The following FHIT variants were observed in gnomAD, a reference collection of about 807,000 sequenced individuals.
The protein encoded by FHIT is fragile histidine triad diadenosine triphosphatase.
A neutral mutation model predicts 17.9 loss-of-function variants in FHIT; 19 were observed. The ratio of observed to expected loss-of-function variants is 1.06; its 90% CI spans 0.74 to 1.56. The LOEUF is 1.56. FHIT is among the 40% of genes most tolerant of loss of function. The pLI is 0.00. For missense variants in FHIT, 248 were observed against 189.2 expected, an observed-to-expected ratio of 1.31 and a Z score of -1.82; for synonymous variants, 81 against 69.7, an observed-to-expected ratio of 1.16 and a Z score of -0.81.
At chr3:60,740,004 T>G (rs908264859) in intron 4 of FHIT, among the ~76,000 whole-genome samples, 1 of 152,198 alleles carries the variant, frequency 6.6e-6, no homozygotes, top group Non-Finnish European at 1.5e-5. Context: ...ATCTTTCCAA[T>G]AAATAATAGA....
intron 4 of FHIT, among the ~76,000 whole-genome samples, chr3:60,545,863 TC>T (rs2036342856): frequency 2.7e-4 from 4 of 14,746 alleles, no homozygotes; most frequent in Admixed American, 1.9e-3. Flanking sequence ...TATCCAAATC[TC>T]TCTTTGTCTC....
chr3:60,412,832 CA>C (rs1702112102), intron 5 of FHIT, among the ~76,000 whole-genome samples: 2 of 152,130 alleles, frequency 1.3e-5, no homozygotes, highest in Non-Finnish European at 2.9e-5. Context: ...GGGTTTCCCC[CA>C]TGCTGCTCTT....
chr3:61,149,219 T>C (rs1016961305), intron 2 of FHIT, among the ~76,000 whole-genome samples: 3 of 152,118 alleles, frequency 2.0e-5, no homozygotes, highest in Admixed American at 1.3e-4. Context: ...TAATAGATGG[T>C]ATTTCCATGA....
At chr3:59,996,670 T>C (rs1244768169) in intron 7 of FHIT, among the ~76,000 whole-genome samples, 1 of 151,892 alleles carries the variant, frequency 6.6e-6, no homozygotes, top group East Asian at 1.9e-4. Context: ...GAAAGAAAAA[T>C]GATTAGCATG....
intron 5 of FHIT, among the ~76,000 whole-genome samples, chr3:60,328,004 G>C (rs1709782237): frequency 6.6e-6 from 1 of 152,120 alleles, no homozygotes; most frequent in African/African-American, 2.4e-5. Flanking sequence ...CATGGAGGAA[G>C]GACTATCAAT....
At chr3:60,505,316 TG>T (rs1384195860) in intron 5 of FHIT, among the ~76,000 whole-genome samples, 1 of 152,174 alleles carries the variant, frequency 6.6e-6, no homozygotes, top group Non-Finnish European at 1.5e-5. Context: ...ACTTACTAGG[TG>T]GGTGAGTGTG....
chr3:60,653,687 C>T (rs2040050009), intron 4 of FHIT, among the ~76,000 whole-genome samples: 1 of 151,814 alleles, frequency 6.6e-6, no homozygotes, highest in African/African-American at 2.4e-5. Context: ...AAGAAGGTGG[C>T]CTACAAAATA....
intron 7 of FHIT, among the ~76,000 whole-genome samples, chr3:59,952,376 G>A (rs563514738): frequency 2.6e-5 from 4 of 152,190 alleles, no homozygotes; most frequent in South Asian, 4.2e-4. Context: ...GGAGACCCTC[G>A]GGACATGCAG....
chr3:61,160,430 C>T (rs1030132391), intron 2 of FHIT, among the ~76,000 whole-genome samples: 1 of 152,126 alleles, frequency 6.6e-6, no homozygotes, highest in Admixed American at 6.6e-5. Context: ...ACTCTGTAAG[C>T]GACAAGGAAA....
chr3:59,869,734 C>T (rs1430600770), intron 8 of FHIT, among the ~76,000 whole-genome samples: 1 of 151,718 alleles, frequency 6.6e-6, no homozygotes, highest in Non-Finnish European at 1.5e-5. Flanking sequence ...GATCTGCCCA[C>T]CTCGGCCTCC....
Position 61,179,936 on chromosome 3 carries a change from C to A in FHIT, c.-164+20681G>T, listed in dbSNP as rs148005019. Among the ~76,000 whole-genome samples, 660 of 152,120 alleles carry A rather than the reference C, an allele frequency of 4.3e-3. 8 individuals carry two copies. The highest frequency in any genetic ancestry group is 0.015 in the African/African-American group (634 of 41,502). On this transcript the variant is annotated intron_variant, in intron 2 of 9. Transcript: ENST00000492590. ...CATCAAGATGTACAACTTGGATTTA[C>A]AAGTATACAAATCCTATAGCATGTT...
intron 4 of FHIT, among the ~76,000 whole-genome samples, chr3:60,704,054 G>C (rs1365484927): frequency 6.6e-6 from 1 of 152,006 alleles, no homozygotes; most frequent in Non-Finnish European, 1.5e-5. Flanking sequence ...GAAGCTAAGA[G>C]GGTACATACC....
chr3:61,089,026 A>G (rs2035393643), intron 2 of FHIT, among the ~76,000 whole-genome samples: 1 of 152,178 alleles, frequency 6.6e-6, no homozygotes, highest in Non-Finnish European at 1.5e-5. Context: ...ACATCAGTAT[A>G]TATTCCCTTA....
intron 4 of FHIT, among the ~76,000 whole-genome samples, chr3:60,763,233 G>A (rs554997098): frequency 6.6e-6 from 1 of 152,172 alleles, no homozygotes; most frequent in East Asian, 1.9e-4. Context: ...GAAATGATAG[G>A]GATCATTATC....
At chr3:60,426,370 A>G (rs1179161414) in intron 5 of FHIT, among the ~76,000 whole-genome samples, 1 of 152,138 alleles carries the variant, frequency 6.6e-6, no homozygotes, top group Non-Finnish European at 1.5e-5. Context: ...TTAAGCAGTG[A>G]CGGATGATAT....
chr3:60,074,598 G>C (rs552192093), intron 5 of FHIT, among the ~76,000 whole-genome samples: 2 of 151,790 alleles, frequency 1.3e-5, no homozygotes, highest in South Asian at 2.1e-4. Flanking sequence ...TCATGGACTA[G>C]AGACACATTA....
At chr3:60,481,110 CCA>C (rs1228507308) in intron 5 of FHIT, among the ~76,000 whole-genome samples, 1 of 151,972 alleles carries the variant, frequency 6.6e-6, no homozygotes, top group African/African-American at 2.4e-5. Flanking sequence ...CCAAAGAGTT[CCA>C]CAAGACTAGA....
chr3:59,756,926 T>C (rs1405918366), intron 8 of FHIT, among the ~76,000 whole-genome samples: 1 of 152,232 alleles, frequency 6.6e-6, no homozygotes, highest in East Asian at 1.9e-4. Flanking sequence ...ACATGTCCTA[T>C]AACCAAAAGT....
intron 5 of FHIT, among the ~76,000 whole-genome samples, chr3:60,453,879 C>G (rs1276640862): frequency 1.3e-5 from 2 of 152,040 alleles, no homozygotes. Flanking sequence ...AGCAATAAAT[C>G]TTCCTGGAGT....
Sources: gnomAD v4.1 joint callset for allele counts (sites outside exome capture counted in the v4.1 genomes callset) on GRCh38, gnomAD v4.1.1 for gene constraint, MANE v1.5 for transcripts, NCBI Gene and HGNC (gene_info 2026-07-23, HGNC 2026-07-21) for gene names.